The following ARHGEF33 variants were observed in gnomAD, a reference collection of about 807,000 sequenced individuals.
ARHGEF33 encodes DH and coiled-coil domain-containing protein ENSP00000381780.
ARHGEF33 carries 72 observed loss-of-function variants against 101.9 expected under a neutral mutation model. That is an observed-to-expected ratio of 0.71 (90% confidence interval 0.58 to 0.86). The LOEUF (loss-of-function observed/expected upper bound fraction) is 0.86. Ranked by LOEUF, ARHGEF33 falls within the 40% of genes least tolerant of loss-of-function variation. ARHGEF33 has a pLI of 0.00. For synonymous variants in ARHGEF33, 499 were observed against 442.5 expected, an observed-to-expected ratio of 1.13 and a Z score of -1.60; for missense variants, 1,169 against 1,111.3, an observed-to-expected ratio of 1.05 and a Z score of -0.74.
chr2:38,957,594 T>G (rs1667800677), intron 14 of ARHGEF33, among the ~76,000 whole-genome samples: 2 of 152,194 alleles, frequency 1.3e-5, no homozygotes, highest in Admixed American at 1.3e-4. Flanking sequence ...AGGTTTTATA[T>G]TAGGGAGAAA....
intron 2 of ARHGEF33, among the ~76,000 whole-genome samples, chr2:38,911,088 C>T (rs545136258): frequency 1.3e-5 from 2 of 152,106 alleles, no homozygotes; most frequent in East Asian, 1.9e-4. Flanking sequence ...TTGAAAACTA[C>T]GAAGCATGAA....
intron 17 of ARHGEF33, 38 bp from the exon 18 acceptor site, chr2:38,973,676 A>C (rs1668214337): frequency 2.1e-6 from 3 of 1,458,586 alleles, no homozygotes; most frequent in East Asian, 5.4e-5. Flanking sequence ...AATTAAAACC[A>C]AATCAACCTG....
chr2:38,901,677 G>A (rs1050713398), intron 2 of ARHGEF33, among the ~76,000 whole-genome samples: 10 of 152,144 alleles, frequency 6.6e-5, no homozygotes, highest in Admixed American at 2.6e-4. Context: ...GGAGTCTTAC[G>A]GTCGTTCCAG....
rs183447950 is a variant in ARHGEF33 at position 38,927,493 on chromosome 2, C to T, written c.76-1414C>T. 1.4e-4 allele frequency among the ~76,000 whole-genome samples: 21 copies of T among 152,282 alleles called. No homozygotes were observed. In the East Asian group the frequency reaches 4.1e-3, roughly 29 times the overall value. On this transcript the variant is annotated intron_variant, in intron 4 of 17. Transcript: ENST00000409978. ...GGTGGATCACCTGAGTTCAGGAGAT[C>T]AAGACCAGCCTGACCAATATGGTGA...
rs143127135 is a variant in ARHGEF33 at position 38,914,127 on chromosome 2, G to T, written c.-85-5236G>T. On this transcript the variant is annotated intron_variant, in intron 2 of 17. Coordinates refer to ENST00000409978, the MANE Select transcript of ARHGEF33 (RefSeq NM_001145451.5). ...ACTATTGGCTGGAATGCAGGAGAAA[G>T]GTATTCAGGCAATGAATATTCCTGG... Among the ~76,000 whole-genome samples the T allele has an allele frequency of 1.1e-3, 163 of 152,270 alleles. 1 individual carries two copies. The East Asian group carries it at 0.029, about 27-fold the overall frequency.
Position 38,954,373 on chromosome 2 carries a change from G to T in ARHGEF33, c.1138G>T (p.Gly380Cys), listed in dbSNP as rs773482721. ...SLVHVVVLKEGDEEIKSDIYT... is the reference protein window; with the variant it reads ...SLVHVVVLKECDEEIKSDIYT... Reference sequence around the variant, plus strand: ...GTAACTTGACCTTTCTTTCATTCAGGGTGATGAAGAGATTAAATCTGACAT... The same window carrying T: ...GTAACTTGACCTTTCTTTCATTCAGTGTGATGAAGAGATTAAATCTGACAT... Residue 380 changes from glycine to cysteine, a missense_variant and splice_region_variant, in exon 13 of 18, where the codon GGT becomes TGT. Transcript: ENST00000409978. 2.7e-5 allele frequency: 42 copies of T among 1,533,970 alleles called. No homozygotes were observed. In the East Asian group the frequency reaches 1.0e-3, roughly 37 times the overall value.
At chr2:38,890,042 A>T (rs1380616860) in intron 1 of ARHGEF33, 56 bp downstream of exon 1, 7 of 386,472 alleles carry the variant, frequency 1.8e-5, no homozygotes, top group Non-Finnish European at 3.8e-5. Context: ...ACAATTTTAT[A>T]AGAGATGAAA....
In ARHGEF33 at chr2:38,958,183, C is replaced by G. The variant is rs1313652061; in HGVS notation, c.1520C>G (p.Ser507Cys). 13 of 1,551,762 alleles carry G rather than the reference C, an allele frequency of 8.4e-6. No individual in the cohort carries two copies. The highest frequency in any genetic ancestry group is 1.0e-5 in the Non-Finnish European group (12 of 1,147,008). Residue 507 changes from serine (S) to cysteine (C), a missense_variant, in exon 15 of 18, where the codon TCT becomes TGT. Coordinates refer to ENST00000409978, the MANE Select transcript of ARHGEF33 (RefSeq NM_001145451.5). ...CAACCCTACCCTTCTGCTCCCAGTT[C>G]TGGCCCTGCCATCACGTAAGCACCT... ...LLQPYPSAPSSGPAITHLMPP... is the reference protein window; with the variant it reads ...LLQPYPSAPSCGPAITHLMPP...
At chr2:38,969,180 C>T (rs1312138969) in intron 17 of ARHGEF33, among the ~76,000 whole-genome samples, 2 of 152,162 alleles carry the variant, frequency 1.3e-5, no homozygotes, top group Non-Finnish European at 2.9e-5. Flanking sequence ...ACATTCAGCC[C>T]ATTTTCCTCC....
At chr2:38,900,852 A>G (rs1666223479) in intron 2 of ARHGEF33, among the ~76,000 whole-genome samples, 1 of 152,212 alleles carries the variant, frequency 6.6e-6, no homozygotes, top group South Asian at 2.1e-4. Context: ...TCACACTTGA[A>G]TGAAGACAGG....
intron 1 of ARHGEF33, among the ~76,000 whole-genome samples, chr2:38,893,180 T>C (rs1021743310): frequency 1.3e-5 from 2 of 151,928 alleles, no homozygotes; most frequent in African/African-American, 4.8e-5. Context: ...TTTTCTTTTT[T>C]TGAGACAAGG....
chr2:38,966,441 G>A (rs1668053437), intron 17 of ARHGEF33, among the ~76,000 whole-genome samples: 1 of 152,172 alleles, frequency 6.6e-6, no homozygotes, highest in African/African-American at 2.4e-5. Context: ...TGAGAAATGA[G>A]CTGGTGACAG....
At chr2:38,933,345 C>T (rs908131120) in intron 7 of ARHGEF33, among the ~76,000 whole-genome samples, 1 of 152,050 alleles carries the variant, frequency 6.6e-6, no homozygotes, top group Non-Finnish European at 1.5e-5. Context: ...TCTAAAAGAA[C>T]GCTCAATACA....
intron 15 of ARHGEF33, chr2:38,959,529 A>G: frequency 7.2e-6 from 2 of 278,314 alleles, no homozygotes; most frequent in African/African-American, 2.2e-5. Flanking sequence ...AGAGAGTTGA[A>G]GGTGTGCCTT....
intron 10 of ARHGEF33, 50 bp downstream of exon 10, chr2:38,944,080 G>A (rs1203497681): frequency 6.6e-7 from 1 of 1,513,046 alleles, no homozygotes; most frequent in South Asian, 1.3e-5. Context: ...AGGATTTAAG[G>A]TAAGTGGTTT....
At position 38,966,292 on chromosome 2, in the gene ARHGEF33, G is replaced by A. The variant is rs886331184; in HGVS notation, c.2483+147G>A. 29 of 1,099,534 alleles carry A rather than the reference G, an allele frequency of 2.6e-5. No homozygotes were observed. In the South Asian group the frequency reaches 3.1e-4, roughly 12 times the overall value. The allele number at this position is 1,099,534 out of a possible 1,614,324, so 68.1% of individuals were successfully genotyped here. A position where few individuals can be genotyped will look rare whatever the true frequency, so the allele number is the denominator to read the frequency against. ...TGCACCCAGTAGCCACAGTTCCGGC[G>A]GGGTGAAGATGTTTCTCATTGTAAT... is the stretch of plus-strand genomic sequence containing the variant. On this transcript the variant is annotated intron_variant, in intron 17 of 17. Coordinates refer to ENST00000409978, the MANE Select transcript of ARHGEF33 (RefSeq NM_001145451.5).
At chr2:38,942,370 T>C (rs1265143399) in intron 9 of ARHGEF33, among the ~76,000 whole-genome samples, 2 of 151,748 alleles carry the variant, frequency 1.3e-5, no homozygotes, top group African/African-American at 4.8e-5. Context: ...TTTCACCATG[T>C]TGGCAAGTCT....
intron 16 of ARHGEF33, 99 bp from the exon 17 acceptor site, chr2:38,965,906 TG>T: frequency 7.1e-7 from 1 of 1,416,346 alleles, no homozygotes; most frequent in Non-Finnish European, 9.5e-7. Context: ...TCTTTTGGCA[TG>T]GGAGAGGAAA....
chr2:38,939,791 C>T (rs1667256789), intron 9 of ARHGEF33, among the ~76,000 whole-genome samples: 1 of 152,190 alleles, frequency 6.6e-6, no homozygotes, highest in African/African-American at 2.4e-5. Context: ...GCTAGGACTA[C>T]AGGTGTGCAC....
Sources: allele counts gnomAD v4.1 joint callset (sites outside exome capture counted in the v4.1 genomes callset), GRCh38; gene constraint gnomAD v4.1.1; transcripts MANE v1.5; gene names NCBI Gene and HGNC (gene_info 2026-07-23, HGNC 2026-07-21).